The following PDLIM5 variants were observed in gnomAD, a reference collection of about 807,000 sequenced individuals.
PDLIM5 encodes PDZ and LIM domain 5.
A neutral mutation model predicts 64.2 loss-of-function variants in PDLIM5; 34 were observed. That is an observed-to-expected ratio of 0.53 (90% CI 0.40 to 0.71). The LOEUF is 0.71. PDLIM5 is among the 30% of genes least tolerant of loss of function. PDLIM5 has a pLI of 0.00. For synonymous variants in PDLIM5, 253 were observed against 269.1 expected (o/e 0.94, Z 0.59); for missense variants, 683 against 733.6 (o/e 0.93, Z 0.80).
At chr4:94,636,538 A>T (rs1371320460) in intron 8 of PDLIM5, among the ~76,000 whole-genome samples, 2 of 142,408 alleles carry the variant, frequency 1.4e-5, no homozygotes. Context: ...TAGAGTTCGT[A>T]CTTTTTTTTT....
At chr4:94,493,646 T>C (rs1301791901) in intron 2 of PDLIM5, among the ~76,000 whole-genome samples, 1 of 152,188 alleles carries the variant, frequency 6.6e-6, no homozygotes, top group Non-Finnish European at 1.5e-5. Context: ...CTTTAAATAT[T>C]CTGCAGTCTT....
At chr4:94,576,691 A>T (rs1480549953) in intron 5 of PDLIM5, among the ~76,000 whole-genome samples, 1 of 152,246 alleles carries the variant, frequency 6.6e-6, no homozygotes, top group African/African-American at 2.4e-5. Context: ...GAAATGAGTA[A>T]ATTTAAGCCA....
At chr4:94,613,293 C>A (rs1019528880) in intron 7 of PDLIM5, among the ~76,000 whole-genome samples, 1 of 152,082 alleles carries the variant, frequency 6.6e-6, no homozygotes, top group Admixed American at 6.5e-5. Flanking sequence ...AAAATTTAAA[C>A]ATGTAATTAG....
chr4:94,505,796 G>T (rs2110092707), intron 2 of PDLIM5, among the ~76,000 whole-genome samples: 1 of 152,312 alleles, frequency 6.6e-6, no homozygotes, highest in South Asian at 2.1e-4. Context: ...CCCTTTCTGG[G>T]AGCCACCCTC....
Position 94,574,512 on chromosome 4 carries a change from A to AAG in PDLIM5, c.292-1103_292-1102insGA, listed in dbSNP as rs1430943908. On this transcript the variant is annotated intron_variant, in intron 4 of 12. Coordinates refer to ENST00000317968, the MANE Select transcript of PDLIM5 (RefSeq NM_006457.5). ...GACTCCTGTCTCAAAAAAAAAAAAA[A>AAG]AAACAAGATGAATTGAGATTACCTT... Among the ~76,000 whole-genome samples the AAG allele has an allele frequency of 2.0e-5, 3 of 151,926 alleles. No homozygotes were observed. In the East Asian group the frequency reaches 5.8e-4, roughly 29 times the overall value.
chr4:94,456,724 A>G (rs1256127006), intron 2 of PDLIM5: 136 of 1,288,794 alleles, frequency 1.1e-4, no homozygotes, highest in East Asian at 1.3e-4. Flanking sequence ...ATATATGTGA[A>G]TATATGTATC....
chr4:94,599,590 A>G (rs368016136), intron 7 of PDLIM5, among the ~76,000 whole-genome samples: 31 of 152,330 alleles, frequency 2.0e-4, no homozygotes, highest in African/African-American at 7.0e-4. Flanking sequence ...GCTTAGCCTT[A>G]GGGGAATGTA....
intron 3 of PDLIM5, among the ~76,000 whole-genome samples, chr4:94,524,708 A>T (rs186171787): frequency 6.6e-6 from 1 of 152,084 alleles, no homozygotes; most frequent in Non-Finnish European, 1.5e-5. Flanking sequence ...ATCATTTGAA[A>T]CCTGCACCAA....
At chr4:94,462,272 C>T (rs1391799217) in intron 2 of PDLIM5, among the ~76,000 whole-genome samples, 1 of 152,156 alleles carries the variant, frequency 6.6e-6, no homozygotes, top group Non-Finnish European at 1.5e-5. Context: ...CTCCTGGAAG[C>T]CACCTGTGTT....
At chr4:94,565,615 TA>T (rs1734252149) in intron 3 of PDLIM5, among the ~76,000 whole-genome samples, 2 of 152,162 alleles carry the variant, frequency 1.3e-5, no homozygotes. Context: ...CTATTTTAAA[TA>T]GAACACCCAA....
At chr4:94,489,645 G>A (rs1365651433) in intron 2 of PDLIM5, among the ~76,000 whole-genome samples, 7 of 151,800 alleles carry the variant, frequency 4.6e-5, no homozygotes, top group Admixed American at 3.9e-4. Flanking sequence ...AAAATACAAG[G>A]CCTGGCACAG....
chr4:94,558,940 T>A (rs1733607072), intron 3 of PDLIM5, among the ~76,000 whole-genome samples: 1 of 152,114 alleles, frequency 6.6e-6, no homozygotes, highest in East Asian at 1.9e-4. Context: ...ATGATAATTT[T>A]TTTTTGTCTA....
intron 9 of PDLIM5, among the ~76,000 whole-genome samples, chr4:94,648,763 C>A (rs990887166): frequency 6.6e-6 from 1 of 152,170 alleles, no homozygotes; most frequent in Non-Finnish European, 1.5e-5. Context: ...CAGTTCCTTG[C>A]AGCTCTGGGA....
At chr4:94,452,888 T>C (rs909588518) in intron 1 of PDLIM5, among the ~76,000 whole-genome samples, 1 of 152,366 alleles carries the variant, frequency 6.6e-6, no homozygotes, top group African/African-American at 2.4e-5. Context: ...AAAACTGTCC[T>C]GTCGGCTGCT....
At chr4:94,528,936 C>A (rs1730613083) in intron 3 of PDLIM5, among the ~76,000 whole-genome samples, 1 of 152,146 alleles carries the variant, frequency 6.6e-6, no homozygotes, top group African/African-American at 2.4e-5. Context: ...GTATCCAAAG[C>A]AGAGCGAAGA....
Position 94,652,558 on chromosome 4 carries a change from CGTT to C in PDLIM5, c.1284-1900_1284-1898del, listed in dbSNP as rs371020503. Among the ~76,000 whole-genome samples, 324 of 152,198 alleles carry C rather than the reference CGTT, an allele frequency of 2.1e-3. 2 individuals carry two copies. Among genetic ancestry groups the C allele is most frequent in the African/African-American group, 7.4e-3 (309 of 41,518 alleles). On this transcript the variant is annotated intron_variant, in intron 9 of 12. Coordinates refer to ENST00000317968, the MANE Select transcript of PDLIM5 (RefSeq NM_006457.5). ...ACTGAGAAAATTAGATGAAGGAACT[CGTT>C]GAATAGGATTGTTATTTTATAAGTC...
At chr4:94,597,495 A>C (rs971182913) in intron 7 of PDLIM5, among the ~76,000 whole-genome samples, 4 of 152,158 alleles carry the variant, frequency 2.6e-5, no homozygotes, top group African/African-American at 9.6e-5. Flanking sequence ...TGATGTCGTC[A>C]AGGGTGATGG....
At chr4:94,496,203 G>A (rs1407832464) in intron 2 of PDLIM5, among the ~76,000 whole-genome samples, 2 of 152,224 alleles carry the variant, frequency 1.3e-5, no homozygotes, top group East Asian at 1.9e-4. Flanking sequence ...TGAGTCATTT[G>A]ACTGTTAAGT....
intron 7 of PDLIM5, among the ~76,000 whole-genome samples, chr4:94,616,698 A>G (rs6854173): frequency 0.52 from 79,529 of 152,018 alleles, 21,136 homozygotes; most frequent in South Asian, 0.76. Flanking sequence ...TTATCATCAA[A>G]CAGGTTTTAG....
Sources: gnomAD v4.1 joint callset for allele counts (sites outside exome capture counted in the v4.1 genomes callset) on GRCh38, gnomAD v4.1.1 for gene constraint, MANE v1.5 for transcripts, NCBI Gene and HGNC (gene_info 2026-07-23, HGNC 2026-07-21) for gene names.